The following SPATS2 variants were observed in gnomAD, a reference collection of about 807,000 sequenced individuals.
The protein encoded by SPATS2 is spermatogenesis-associated serine-rich protein 2.
Under a neutral mutation model 63.7 loss-of-function variants are expected in SPATS2, and 38 were observed. That is an observed-to-expected ratio of 0.60 (90% CI 0.46 to 0.78). The LOEUF is 0.78. Ranked by LOEUF, SPATS2 falls within the 30% of genes least tolerant of loss-of-function variation. SPATS2 has a pLI of 0.00. For synonymous variants in SPATS2, 207 were observed against 232.9 expected, an observed-to-expected ratio of 0.89 and a Z score of 1.01; for missense variants, 588 against 666.2, an observed-to-expected ratio of 0.88 and a Z score of 1.29.
At chr12:49,379,440 A>G (rs1453536558) in intron 2 of SPATS2, among the ~76,000 whole-genome samples, 1 of 146,144 alleles carries the variant, frequency 6.8e-6, no homozygotes, top group Non-Finnish European at 1.5e-5. Context: ...AGTCCCAGCT[A>G]CTCAGGAGGT....
intron 2 of SPATS2, among the ~76,000 whole-genome samples, chr12:49,397,390 A>G (rs1015418710): frequency 6.6e-6 from 1 of 152,160 alleles, no homozygotes; most frequent in Admixed American, 6.6e-5. Flanking sequence ...TATTAAAAAG[A>G]TGTTTGCTGA....
chr12:49,484,707 A>C, intron 4 of SPATS2, 38 bp downstream of exon 4: 479 of 1,593,990 alleles, frequency 3.0e-4, no homozygotes, highest in Non-Finnish European at 3.7e-4. Context: ...CTTAAATGTC[A>C]TAGGAAAATT....
At chr12:49,490,769 T>C (rs1946368878) in intron 6 of SPATS2, 38 bp downstream of exon 6, 2 of 1,588,792 alleles carry the variant, frequency 1.3e-6, no homozygotes, top group African/African-American at 1.4e-5. Context: ...ATGATGTGTA[T>C]ATTATTTTTA....
chr12:49,403,594 T>TACACACACACACAC (rs5798102), intron 2 of SPATS2, among the ~76,000 whole-genome samples: 15 of 128,496 alleles, frequency 1.2e-4, no homozygotes, highest in South Asian at 1.1e-3. Flanking sequence ...TGCCACTGTC[T>TACACACACACACAC]ACACACACAC....
chr12:49,475,688 C>T (rs889828837), intron 3 of SPATS2, among the ~76,000 whole-genome samples: 7 of 152,198 alleles, frequency 4.6e-5, no homozygotes, highest in African/African-American at 1.7e-4. Context: ...GCAATCCACC[C>T]GCCTTGGCCT....
chr12:49,473,147 G>A (rs1286794648), intron 3 of SPATS2, among the ~76,000 whole-genome samples: 1 of 150,426 alleles, frequency 6.6e-6, no homozygotes, highest in African/African-American at 2.4e-5. Flanking sequence ...GGGCATGGTG[G>A]CTCATGCCTA....
At chr12:49,486,115 T>A (rs1429757328) in intron 4 of SPATS2, 1 of 403,288 alleles carries the variant, frequency 2.5e-6, no homozygotes, top group Non-Finnish European at 4.9e-6. Context: ...AGTGGTTGAG[T>A]ACTATAAATA....
intron 2 of SPATS2, among the ~76,000 whole-genome samples, chr12:49,436,236 T>C (rs1385767166): frequency 6.8e-6 from 1 of 146,952 alleles, no homozygotes; most frequent in African/African-American, 2.6e-5. Flanking sequence ...GAGGCGCCCC[T>C]CACCTCCCGG....
At chr12:49,368,866 A>G (rs1592331341) in intron 1 of SPATS2, among the ~76,000 whole-genome samples, 1 of 152,222 alleles carries the variant, frequency 6.6e-6, no homozygotes, top group East Asian at 1.9e-4. Context: ...AGATTTATGG[A>G]CATTAATCAG....
intron 3 of SPATS2, among the ~76,000 whole-genome samples, chr12:49,476,348 G>A (rs1055790908): frequency 3.3e-5 from 5 of 152,104 alleles, no homozygotes; most frequent in Non-Finnish European, 5.9e-5. Flanking sequence ...GGGAAAAACC[G>A]TCTCCCTTCT....
chr12:49,492,610 G>A (rs1946401886), intron 6 of SPATS2, among the ~76,000 whole-genome samples: 1 of 152,148 alleles, frequency 6.6e-6, no homozygotes, highest in Non-Finnish European at 1.5e-5. Flanking sequence ...GTGTGTTAGA[G>A]ACACAGACAT....
At chr12:49,444,689 T>G (rs916988270) in intron 2 of SPATS2, among the ~76,000 whole-genome samples, 1 of 151,482 alleles carries the variant, frequency 6.6e-6, no homozygotes, top group African/African-American at 2.4e-5. Context: ...CTGCAACCTC[T>G]GCCTCCCAGG....
intron 3 of SPATS2, among the ~76,000 whole-genome samples, chr12:49,481,656 C>T (rs1008411424): frequency 9.2e-5 from 14 of 151,484 alleles, no homozygotes; most frequent in East Asian, 2.0e-4. Flanking sequence ...TTAGTAGAGA[C>T]GGGGTTTCAC....
rs532920579 is a variant in SPATS2 at position 49,497,026 on chromosome 12, C to G, written c.703+17C>G. ...AAAAGCTAAGTAAGTCAGAGGCCCA[C>G]CTGTGAGAGAAAATGAAAAATCTGT... On this transcript the variant is annotated intron_variant, in intron 8 of 13. Transcript: ENST00000552918. The G allele has an allele frequency of 1.1e-5, 17 of 1,501,452 alleles. 1 individual carries two copies. The highest frequency in any genetic ancestry group is 4.1e-5 in the South Asian group (3 of 74,052). 93.0% of individuals were successfully genotyped at this position (1,501,452 alleles called of 1,614,324 possible). A position where few individuals can be genotyped will look rare whatever the true frequency, so the allele number is the denominator to read the frequency against.
At chr12:49,485,757 CTTTTTTTTT>C (rs1304633706) in intron 4 of SPATS2, among the ~76,000 whole-genome samples, 4 of 128,938 alleles carry the variant, frequency 3.1e-5, no homozygotes, top group Non-Finnish European at 6.7e-5. Flanking sequence ...TATGGGCTCT[CTTTTTTTTT>C]TTTTTTTTTT....
At chr12:49,424,541 A>G (rs1312640504) in intron 2 of SPATS2, among the ~76,000 whole-genome samples, 1 of 152,186 alleles carries the variant, frequency 6.6e-6, no homozygotes, top group Non-Finnish European at 1.5e-5. Flanking sequence ...GTTTGCCAAA[A>G]GTTATTAGGG....
chr12:49,448,477 A>G (rs969083432), intron 2 of SPATS2, among the ~76,000 whole-genome samples: 1 of 151,758 alleles, frequency 6.6e-6, no homozygotes, highest in Non-Finnish European at 1.5e-5. Context: ...AATATTTTCT[A>G]ATTTCCTTTG....
chr12:49,389,681 G>A, intron 2 of SPATS2: 1 of 1,500,054 alleles, frequency 6.7e-7, no homozygotes, highest in Non-Finnish European at 9.3e-7. Context: ...GCTTAATGAA[G>A]TCGCAAGAAC....
intron 9 of SPATS2, among the ~76,000 whole-genome samples, chr12:49,511,913 A>G (rs1946759969): frequency 6.6e-6 from 1 of 152,156 alleles, no homozygotes. Context: ...ATATATAGAA[A>G]AGTTGAAAGG....
Sources: gnomAD v4.1 joint callset for allele counts (sites outside exome capture counted in the v4.1 genomes callset) on GRCh38, gnomAD v4.1.1 for gene constraint, MANE v1.5 for transcripts, NCBI Gene and HGNC (gene_info 2026-07-23, HGNC 2026-07-21) for gene names.